EPS15: variants seen among roughly 807,000 people sequenced by gnomAD.
EPS15 encodes the protein epidermal growth factor receptor pathway substrate 15.
A neutral mutation model predicts 113.8 loss-of-function variants in EPS15; 72 were observed. The observed-to-expected ratio is 0.63, with a 90% CI of 0.52 to 0.77. EPS15 has a LOEUF of 0.77. EPS15 is among the 30% of genes least tolerant of loss of function. EPS15 has a pLI of 0.00. For synonymous variants in EPS15, 344 were observed against 363.4 expected (o/e 0.95, Z 0.61); for missense variants, 1,048 against 1,045.8 (o/e 1.00, Z -0.03).
intron 1 of EPS15, among the ~76,000 whole-genome samples, chr1:51,508,248 AAG>A (rs151142424): frequency 0.41 from 41,944 of 103,538 alleles, 8,539 homozygotes; most frequent in Middle Eastern, 0.48. Flanking sequence ...GAAAGAGAGA[AAG>A]AGAGAGAGAG....
intron 1 of EPS15, among the ~76,000 whole-genome samples, chr1:51,508,688 C>T (rs1239401148): frequency 6.6e-6 from 1 of 152,092 alleles, no homozygotes; most frequent in Non-Finnish European, 1.5e-5. Context: ...ATTTTACCTA[C>T]TGTTTTGGAG....
At position 51,403,459 on chromosome 1, in the gene EPS15, T is replaced by C. The variant is rs1648780850; in HGVS notation, c.1751A>G (p.Lys584Arg). The part of the protein sequence containing the change: ...ENEVTTAVTE[K>R]VCSELDNNRH... ...ATTATTGTCGAGTTCAGAACAAACTTTTTCAGTAACAGCTGTAGTCACCTC... is the reference window on the plus strand; with the variant it reads ...ATTATTGTCGAGTTCAGAACAAACTCTTTCAGTAACAGCTGTAGTCACCTC... Residue 584 changes from lysine (K) to arginine (R), a missense_variant, in exon 17 of 25, where the codon AAA (lysine) becomes AGA (arginine). By Grantham distance (26) the Lys-to-Arg change is conservative. Coordinates refer to ENST00000371733, the MANE Select transcript of EPS15 (RefSeq NM_001981.3). 6.2e-7 allele frequency: 1 copy of C among 1,612,200 alleles called. No individual in the cohort carries two copies. The highest frequency in any genetic ancestry group is 1.3e-5 in the African/African-American group (1 of 74,968).
chr1:51,390,798 TAA>T (rs1647277563), intron 21 of EPS15, among the ~76,000 whole-genome samples: 1 of 151,910 alleles, frequency 6.6e-6, no homozygotes, highest in Admixed American at 6.6e-5. Context: ...TGGCAATCAT[TAA>T]AAAGTCAGGA....
At chr1:51,488,233 A>C (rs1176963641) in intron 1 of EPS15, among the ~76,000 whole-genome samples, 1 of 151,878 alleles carries the variant, frequency 6.6e-6, no homozygotes, top group African/African-American at 2.4e-5. Flanking sequence ...ATTAATTTCT[A>C]AAGGAAAACT....
intron 2 of EPS15, among the ~76,000 whole-genome samples, chr1:51,476,990 CCT>C (rs1643920683): frequency 6.6e-6 from 1 of 152,106 alleles, no homozygotes; most frequent in Non-Finnish European, 1.5e-5. Context: ...GGGAGGATTC[CCT>C]CTTTTTCTAT....
intron 23 of EPS15, among the ~76,000 whole-genome samples, chr1:51,363,602 T>C (rs1465630569): frequency 1.3e-5 from 2 of 152,162 alleles, no homozygotes; most frequent in Admixed American, 6.5e-5. Context: ...TTTCCATTGA[T>C]TGCCTCTCTG....
intron 2 of EPS15, among the ~76,000 whole-genome samples, chr1:51,479,430 T>C (rs1643979587): frequency 1.3e-5 from 2 of 152,214 alleles, no homozygotes; most frequent in African/African-American, 4.8e-5. Flanking sequence ...AGTTTGTTAT[T>C]ACTGATCGTC....
intron 1 of EPS15, among the ~76,000 whole-genome samples, chr1:51,497,803 A>G (rs956628455): frequency 9.9e-5 from 15 of 151,912 alleles, no homozygotes; most frequent in Admixed American, 1.3e-4. Context: ...ATGGTGAAAC[A>G]CCATCTCTAC....
intron 1 of EPS15, among the ~76,000 whole-genome samples, chr1:51,487,555 A>G (rs1006571969): frequency 6.6e-6 from 1 of 152,224 alleles, no homozygotes; most frequent in African/African-American, 2.4e-5. Context: ...TGACAACAGT[A>G]TAAATACTTT....
At chr1:51,519,118 G>A in intron 1 of EPS15, 81 bp downstream of exon 1, 1 of 1,010,174 alleles carries the variant, frequency 9.9e-7, no homozygotes, top group Non-Finnish European at 1.4e-6. Context: ...TGGCCCACAA[G>A]CCAAGAAGTC....
Position 51,406,421 on chromosome 1 carries a change from G to A in EPS15, c.1474-313C>T, listed in dbSNP as rs1649136017. Among the ~76,000 whole-genome samples the A allele has an allele frequency of 2.6e-5, 4 of 152,112 alleles. No homozygotes were observed. The South Asian group carries it at 8.3e-4, about 31-fold the overall frequency. ...AGCCCAGAGGTCAAGGCTGCAGTGAGCCATGATCACACCACTGCACTCGAG... is the reference window on the plus strand; with the variant it reads ...AGCCCAGAGGTCAAGGCTGCAGTGAACCATGATCACACCACTGCACTCGAG... On this transcript the variant is annotated intron_variant, in intron 15 of 24. Transcript: ENST00000371733.
chr1:51,387,075 T>C (rs1647100221), intron 21 of EPS15, among the ~76,000 whole-genome samples: 1 of 152,014 alleles, frequency 6.6e-6, no homozygotes, highest in Non-Finnish European at 1.5e-5. Flanking sequence ...GAGAGAAAGG[T>C]CGGGTTACCC....
chr1:51,365,800 T>C (rs1370651421), intron 22 of EPS15, among the ~76,000 whole-genome samples, 153 bp downstream of exon 22: 1 of 152,226 alleles, frequency 6.6e-6, no homozygotes, highest in Non-Finnish European at 1.5e-5. Context: ...TTTAACTATA[T>C]GTTATCTTTC....
intron 8 of EPS15, among the ~76,000 whole-genome samples, chr1:51,455,277 A>G (rs1653903262): frequency 2.0e-5 from 3 of 152,192 alleles, no homozygotes; most frequent in Admixed American, 1.3e-4. Context: ...ATACATTTCT[A>G]GTTTTCAAAT....
At chr1:51,492,818 T>A (rs1244123695) in intron 1 of EPS15, among the ~76,000 whole-genome samples, 1 of 152,224 alleles carries the variant, frequency 6.6e-6, no homozygotes, top group East Asian at 1.9e-4. Context: ...GCCCCTCAAA[T>A]GGCAGCTGTC....
At chr1:51,511,073 G>A (rs1484112274) in intron 1 of EPS15, among the ~76,000 whole-genome samples, 5 of 151,278 alleles carry the variant, frequency 3.3e-5, no homozygotes, top group Admixed American at 6.6e-5. Flanking sequence ...GGCTGAGGCA[G>A]GAGAATCATT....
chr1:51,357,048 C>T (rs1646233339), intron 24 of EPS15, among the ~76,000 whole-genome samples: 1 of 151,340 alleles, frequency 6.6e-6, no homozygotes, highest in African/African-American at 2.4e-5. Context: ...AAAATTAATT[C>T]AATCTATAGA....
intron 1 of EPS15, among the ~76,000 whole-genome samples, chr1:51,485,198 A>G (rs953758999): frequency 6.6e-6 from 1 of 152,216 alleles, no homozygotes; most frequent in Non-Finnish European, 1.5e-5. Context: ...AAATGTTTTC[A>G]TATTCCCACT....
intron 1 of EPS15, among the ~76,000 whole-genome samples, chr1:51,512,756 A>G (rs567899109): frequency 6.6e-6 from 1 of 152,226 alleles, no homozygotes; most frequent in African/African-American, 2.4e-5. Flanking sequence ...GACTGACAAT[A>G]ATATACATGT....
Sources: allele counts gnomAD v4.1 joint callset (sites outside exome capture counted in the v4.1 genomes callset), GRCh38; gene constraint gnomAD v4.1.1; transcripts MANE v1.5; gene names NCBI Gene and HGNC (gene_info 2026-07-23, HGNC 2026-07-21).